FLYWCH1: variants seen among roughly 807,000 people sequenced by gnomAD.
FLYWCH1 encodes FLYWCH-type zinc finger-containing protein 1.
Under a neutral mutation model 66.4 loss-of-function variants are expected in FLYWCH1, and 75 were observed. The observed-to-expected ratio is 1.13, with a 90% CI of 0.94 to 1.37. The LOEUF is 1.37. FLYWCH1 is among the 40% of genes most tolerant of loss of function. The pLI is 0.00. For synonymous variants in FLYWCH1, 595 were observed against 429.9 expected (o/e 1.38, Z -4.75); for missense variants, 1,334 against 1,001.8 (o/e 1.33, Z -4.48).
chr16:2,931,335 T>G (rs1463365450), intron 4 of FLYWCH1, among the ~76,000 whole-genome samples: 14 of 122,820 alleles, frequency 1.1e-4, no homozygotes. Context: ...AAAAAATACA[T>G]AAATGTGGGC....
intron 5 of FLYWCH1, 40 bp from the exon 6 acceptor site, chr16:2,933,676 C>G (rs761408539): frequency 3.5e-5 from 56 of 1,592,290 alleles, no homozygotes; most frequent in Admixed American, 1.4e-4. Context: ...GCCTACCCAG[C>G]CCCTGTCCCC....
At chr16:2,938,713 C>T (rs1307434250) in intron 8 of FLYWCH1, among the ~76,000 whole-genome samples, 1 of 92,290 alleles carries the variant, frequency 1.1e-5, no homozygotes, top group Non-Finnish European at 2.9e-5. Context: ...CCCGGGTTCA[C>T]ACCATTCTCC....
rs754123279 is a variant in FLYWCH1 at position 2,929,786 on chromosome 16, G to C, written c.101G>C (p.Arg34Thr). 4.3e-6 allele frequency: 7 copies of C among 1,613,804 alleles called. No individual in the cohort carries two copies. In the Admixed American group the frequency reaches 6.7e-5, roughly 15 times the overall value. Residue 34 changes from arginine (R) to threonine (T), a missense_variant, in exon 3 of 10, where the codon AGG (arginine) becomes ACG (threonine). Coordinates refer to ENST00000253928, the MANE Select transcript of FLYWCH1 (RefSeq NM_001308068.2). ...ACGGACGTCATCCCGGCAGCCCCCAGGAAGCCCAGGGAGTTCTCCAAACTG... is the reference window on the plus strand; with the variant it reads ...ACGGACGTCATCCCGGCAGCCCCCACGAAGCCCAGGGAGTTCTCCAAACTG... Reference protein sequence around the residue: ...PGTDVIPAAPRKPREFSKLVL... With the variant: ...PGTDVIPAAPTKPREFSKLVL...
chr16:2,942,714 TG>T (rs1394691136), intron 9 of FLYWCH1, among the ~76,000 whole-genome samples: 8 of 128,556 alleles, frequency 6.2e-5, no homozygotes, highest in African/African-American at 2.2e-4. Flanking sequence ...GGCTGGCATC[TG>T]GGAACTTTTT....
intron 9 of FLYWCH1, among the ~76,000 whole-genome samples, chr16:2,944,119 G>A (rs964911116): frequency 6.6e-6 from 1 of 152,010 alleles, no homozygotes; most frequent in African/African-American, 2.4e-5. Flanking sequence ...GAGCACGACA[G>A]CTCCCACCTG....
At chr16:2,921,481 G>A (rs1411503869) in intron 2 of FLYWCH1, among the ~76,000 whole-genome samples, 1 of 152,030 alleles carries the variant, frequency 6.6e-6, no homozygotes, top group African/African-American at 2.4e-5. Context: ...AGGATCGCTT[G>A]ATCCCAGGAG....
chr16:2,913,901 G>A (rs1476433483), intron 1 of FLYWCH1, among the ~76,000 whole-genome samples: 1 of 152,068 alleles, frequency 6.6e-6, no homozygotes, highest in Non-Finnish European at 1.5e-5. Context: ...GCGAGGGGCA[G>A]GTCTCACTAT....
At chr16:2,938,103 G>A in intron 7 of FLYWCH1, 81 bp from the exon 8 acceptor site, 1 of 1,407,728 alleles carries the variant, frequency 7.1e-7, no homozygotes, top group Non-Finnish European at 9.7e-7. Flanking sequence ...GGTGGGGCCT[G>A]GCTGGGGGAT....
chr16:2,933,056 A>C lies in FLYWCH1; in HGVS notation c.797-74A>C, dbSNP rs892144298. On this transcript the variant is annotated intron_variant, in intron 4 of 9. Transcript: ENST00000253928. The stretch of plus-strand genomic sequence containing the variant: ...AGGAGAAAGGCTCGTGTCAGCCCCC[A>C]CAGTCTGCAGGGGCTGTCCCTCCTG... The C allele has an allele frequency of 3.1e-6, 4 of 1,305,466 alleles. No individual in the cohort carries two copies. The Admixed American group carries it at 8.7e-5, about 29-fold the overall frequency. The allele number at this position is 1,305,466 out of a possible 1,614,324, so 80.9% of individuals were successfully genotyped here. A position where few individuals can be genotyped will look rare whatever the true frequency, so the allele number is the denominator to read the frequency against.
rs370131723 is a variant in FLYWCH1, at chr16:2,933,457, G to C, written c.1124G>C (p.Arg375Pro). Residue 375 changes from arginine (R) to proline (P), a missense_variant, in exon 5 of 10, where the codon CGC becomes CCC. Transcript: ENST00000253928. Reference protein sequence around the residue: ...LLRGVDSLLYRRGPGPLTLTR... With the variant: ...LLRGVDSLLYPRGPGPLTLTR... ...CGAGGCGTGGATAGTTTGCTCTACC[G>C]CAGGGGTCCGGGTCCCCTGACTCTC... 6.2e-7 allele frequency: 1 copy of C among 1,601,396 alleles called. No individual in the cohort carries two copies.
At chr16:2,935,284 C>T (rs1314344477) in intron 6 of FLYWCH1, 2 of 152,524 alleles carry the variant, frequency 1.3e-5, no homozygotes, top group Non-Finnish European at 2.9e-5. Context: ...GCTCTGTGGT[C>T]CCATCTTCCT....
At position 2,930,492 on chromosome 16, in the gene FLYWCH1, G is replaced by A. The variant is rs755969249; in HGVS notation, c.408G>A (p.Glu136=). The change falls in exon 4 of 10, where the codon GAG becomes GAA. Residue 136 remains glutamate (E), a synonymous_variant. Coordinates refer to ENST00000253928, the MANE Select transcript of FLYWCH1 (RefSeq NM_001308068.2). ...TGGAGTCCTTCCTGTACAAGCAGGA[G>A]AAGGCAGTGGGGGACAAGGTGTACT... ...LVLESFLYKQ[E]KAVGDKVYWK... is the part of the protein sequence containing the mutation. 4 of 1,531,176 alleles carry A rather than the reference G, an allele frequency of 2.6e-6. No individual in the cohort carries two copies. The highest frequency in any genetic ancestry group is 3.5e-6 in the Non-Finnish European group (4 of 1,143,530). 94.8% of individuals were successfully genotyped at this position (1,531,176 alleles called of 1,614,324 possible).
intron 5 of FLYWCH1, 34 bp downstream of exon 5, chr16:2,933,616 G>C (rs1466334122): frequency 6.4e-7 from 1 of 1,565,880 alleles, no homozygotes; most frequent in Admixed American, 1.8e-5. Context: ...CACCGGCCCT[G>C]CCTTGACTCT....
intron 9 of FLYWCH1, 116 bp downstream of exon 9, chr16:2,940,208 G>C (rs1293600422): frequency 1.2e-5 from 8 of 640,186 alleles, no homozygotes; most frequent in Non-Finnish European, 2.3e-5. Flanking sequence ...GGAGTGGTTG[G>C]GCTGGGTGGT....
In FLYWCH1 at chr16:2,937,833, G is replaced by A. The variant is rs766368773; in HGVS notation, c.1778-351G>A. 2.0e-3 allele frequency among the ~76,000 whole-genome samples: 240 copies of A among 121,384 alleles called. 2 individuals carry two copies. Among genetic ancestry groups the A allele is most frequent in the Non-Finnish European group, 3.4e-3 (201 of 58,498 alleles). The allele number at this position is 121,384 out of a possible 152,430, so 79.6% of individuals were successfully genotyped here. On this transcript the variant is annotated intron_variant, in intron 7 of 9. Coordinates refer to ENST00000253928, the MANE Select transcript of FLYWCH1 (RefSeq NM_001308068.2). ...GCTGCCAGCTGGCTGAGGGGTAGGT[G>A]GACAGGGAGCCAGGAGGCCCTGGTG...
At chr16:2,912,969 T>C (rs1297570695) in intron 1 of FLYWCH1, 4 of 152,230 alleles carry the variant, frequency 2.6e-5, no homozygotes, top group Non-Finnish European at 5.9e-5. Flanking sequence ...GATTTTCTCG[T>C]GTGATTATAT....
At position 2,937,280 on chromosome 16, in the gene FLYWCH1, GGGTCAT is replaced by G; in HGVS notation, c.1681_1686del (p.Val561_Met562del). ...AGCCGCGCCATCACCCAGGGCCGGC[GGGTCAT>G]GGTCATGCGCAGGCACTGCCACCCA... is the stretch of plus-strand genomic sequence containing the variant. On this transcript the variant is annotated inframe_deletion, in exon 7 of 10. Transcript: ENST00000253928. 6.2e-7 allele frequency: 1 copy of G among 1,605,372 alleles called. No homozygotes were observed. The highest frequency in any genetic ancestry group is 1.1e-5 in the South Asian group (1 of 90,172).
Position 2,950,268 on chromosome 16 carries a change from C to T in FLYWCH1, c.*1541C>T, listed in dbSNP as rs2071634927. 6.5e-6 allele frequency: 1 copy of T among 152,694 alleles called. No homozygotes were observed. The highest frequency in any genetic ancestry group is 2.1e-4 in the South Asian group (1 of 4,844). The allele number at this position is 152,694 out of a possible 1,614,324, so 9.5% of individuals were successfully genotyped here. On this transcript the variant is annotated 3_prime_UTR_variant, in exon 10 of 10. Coordinates refer to ENST00000253928, the MANE Select transcript of FLYWCH1 (RefSeq NM_001308068.2). ...GCACTGTTCTCGGCCCTGAAGCATC[C>T]TGCCCCGAGGCTGACCTAACTGCCC... is the stretch of plus-strand genomic sequence containing the variant.
Position 2,940,068 on chromosome 16 carries a change from C to T in FLYWCH1, c.2087C>T (p.Ser696Phe). ...IQVQLCFKTC[S>F]PESQQIYGDI... Reference sequence around the variant, plus strand: ...GTTCAGCTGTGCTTCAAGACGTGTTCTCCTGAAAGCCAGCAGATTTATGGG... The same window carrying T: ...GTTCAGCTGTGCTTCAAGACGTGTTTTCCTGAAAGCCAGCAGATTTATGGG... Residue 696 changes from serine to phenylalanine, a missense_variant, in exon 9 of 10, where the codon TCT becomes TTT. Coordinates refer to ENST00000253928, the MANE Select transcript of FLYWCH1 (RefSeq NM_001308068.2). The T allele has an allele frequency of 1.3e-6, 2 of 1,498,120 alleles. No individual in the cohort carries two copies. Among genetic ancestry groups the T allele is most frequent in the South Asian group, 1.1e-5 (1 of 88,322 alleles). The allele number at this position is 1,498,120 out of a possible 1,614,324, so 92.8% of individuals were successfully genotyped here.
Sources: allele counts gnomAD v4.1 joint callset (sites outside exome capture counted in the v4.1 genomes callset), GRCh38; gene constraint gnomAD v4.1.1; transcripts MANE v1.5; gene names NCBI Gene and HGNC (gene_info 2026-07-23, HGNC 2026-07-21).